LRRC20: variants seen among roughly 807,000 people sequenced by gnomAD.
The protein encoded by LRRC20 is leucine rich repeat containing 20.
A neutral mutation model predicts 14.4 loss-of-function variants in LRRC20; 11 were observed. The observed-to-expected ratio is 0.77, with a 90% CI of 0.48 to 1.27. The LOEUF (loss-of-function observed/expected upper bound fraction) is 1.27. Ranked by LOEUF, LRRC20 falls within the 50% of genes most tolerant of loss-of-function variation. The pLI is 0.00. For synonymous variants in LRRC20, 121 were observed against 107.3 expected, an observed-to-expected ratio of 1.13 and a Z score of -0.79; for missense variants, 219 against 251.2, an observed-to-expected ratio of 0.87 and a Z score of 0.87.
At chr10:70,369,605 CAAAAAAAAAAA>C (rs71009298) in intron 2 of LRRC20, among the ~76,000 whole-genome samples, 3 of 68,564 alleles carry the variant, frequency 4.4e-5, no homozygotes, top group Non-Finnish European at 7.6e-5. Context: ...GACGCTGTCT[CAAAAAAAAAAA>C]AAAAAAAAAA....
chr10:70,366,705 T>C (rs1844013249), intron 2 of LRRC20, among the ~76,000 whole-genome samples: 1 of 152,186 alleles, frequency 6.6e-6, no homozygotes, highest in Admixed American at 6.5e-5. Context: ...GAGTTGGCTC[T>C]CTATACCTGT....
intron 2 of LRRC20, among the ~76,000 whole-genome samples, chr10:70,367,416 C>T (rs1564644814): frequency 6.6e-6 from 1 of 151,642 alleles, no homozygotes; most frequent in Admixed American, 6.6e-5. Flanking sequence ...TGTTTACAGG[C>T]TTTGTTCGTG....
rs1293891046 is a variant in LRRC20, at chr10:70,304,470, T to TTATCTATATCTATATA, written c.401-2963_401-2962insTATATAGATATAGATA. Among the ~76,000 whole-genome samples the TTATCTATATCTATATA allele has an allele frequency of 7.0e-5, 8 of 113,824 alleles. 1 individual carries two copies. Among genetic ancestry groups the TTATCTATATCTATATA allele is most frequent in the African/African-American group, 2.4e-4 (8 of 33,442 alleles). The allele number at this position is 113,824 out of a possible 152,430, so 74.7% of individuals were successfully genotyped here. A position where few individuals can be genotyped will look rare whatever the true frequency, so the allele number is the denominator to read the frequency against. ...GCTATATAGATATCAGGCCACTTCT[T>TTATCTATATCTATATA]TATATATATATATATATATATATAT... On this transcript the variant is annotated intron_variant, in intron 4 of 4. Coordinates refer to ENST00000446961, the MANE Select transcript of LRRC20 (RefSeq NM_001278212.2).
At chr10:70,319,435 C>A (rs956411384) in intron 4 of LRRC20, among the ~76,000 whole-genome samples, 1 of 152,162 alleles carries the variant, frequency 6.6e-6, no homozygotes, top group Non-Finnish European at 1.5e-5. Flanking sequence ...ACTGCTCCAA[C>A]CCATCATGTC....
chr10:70,301,524 T>C lies in LRRC20; in HGVS notation c.401-16A>G, dbSNP rs769486585. 6 of 1,613,134 alleles carry C rather than the reference T, an allele frequency of 3.7e-6. No individual in the cohort carries two copies. The highest frequency in any genetic ancestry group is 2.7e-5 in the African/African-American group (2 of 74,900). ...ACGGGCACATCTATTGGGGACAGAATGGACAGGTTAGAGTGGTGGAGGCCA... is the reference window on the plus strand; with the variant it reads ...ACGGGCACATCTATTGGGGACAGAACGGACAGGTTAGAGTGGTGGAGGCCA... On this transcript the variant is annotated splice_polypyrimidine_tract_variant and intron_variant, in intron 4 of 4. Transcript: ENST00000446961.
intron 4 of LRRC20, among the ~76,000 whole-genome samples, chr10:70,315,636 A>G (rs1468603483): frequency 2.0e-5 from 3 of 152,150 alleles, no homozygotes; most frequent in East Asian, 1.9e-4. Flanking sequence ...CAGATCCCCA[A>G]TTTCAGCAAC....
chr10:70,301,287 TC>T lies in LRRC20; in HGVS notation c.*66del. 1 of 1,511,480 alleles carries T rather than the reference TC, an allele frequency of 6.6e-7. No individual in the cohort carries two copies. The highest frequency in any genetic ancestry group is 8.9e-7 in the Non-Finnish European group (1 of 1,127,032). 93.6% of individuals were successfully genotyped at this position (1,511,480 alleles called of 1,614,324 possible). On this transcript the variant is annotated 3_prime_UTR_variant, in exon 5 of 5. Transcript: ENST00000446961. ...CCCCAGGCTTGGCCTCCCATGGGCC[TC>T]CCTCCCTTCCAGGGTTCCAGGCCTG...
chr10:70,347,973 C>T (rs2137047687), intron 2 of LRRC20, among the ~76,000 whole-genome samples: 1 of 152,330 alleles, frequency 6.6e-6, no homozygotes, highest in East Asian at 1.9e-4. Context: ...TTCTTTCTTT[C>T]ACTCTCCACA....
At chr10:70,358,972 A>G (rs1329832480) in intron 2 of LRRC20, among the ~76,000 whole-genome samples, 2 of 152,200 alleles carry the variant, frequency 1.3e-5, no homozygotes, top group Admixed American at 6.5e-5. Context: ...CACTTTGTAA[A>G]ATGGGGGTAC....
intron 4 of LRRC20, among the ~76,000 whole-genome samples, chr10:70,323,051 G>C (rs1290028242): frequency 6.6e-6 from 1 of 152,074 alleles, no homozygotes; most frequent in Non-Finnish European, 1.5e-5. Context: ...TGACTGAAGG[G>C]GGTTATTATG....
At chr10:70,335,816 T>C (rs543066663) in intron 3 of LRRC20, among the ~76,000 whole-genome samples, 45 of 152,326 alleles carry the variant, frequency 3.0e-4, no homozygotes, top group Middle Eastern at 3.4e-3. Flanking sequence ...CAAAGATGCT[T>C]TAGAAACTCC....
Position 70,318,812 on chromosome 10 carries a change from G to GT in LRRC20, c.400+5050dup, listed in dbSNP as rs1841972121. ...AATCAATTATTTTTTGTTTGTTTTTGTTTTTTGTTTTTTGAGACAGGGTCT... is the reference window on the plus strand; with the variant it reads ...AATCAATTATTTTTTGTTTGTTTTTGTTTTTTTGTTTTTTGAGACAGGGTCT... On this transcript the variant is annotated intron_variant, in intron 4 of 4. Coordinates refer to ENST00000446961, the MANE Select transcript of LRRC20 (RefSeq NM_001278212.2). Among the ~76,000 whole-genome samples, 10 of 151,578 alleles carry GT rather than the reference G, an allele frequency of 6.6e-5. 1 individual carries two copies. The South Asian group carries it at 2.1e-3, about 32-fold the overall frequency.
intron 3 of LRRC20, among the ~76,000 whole-genome samples, chr10:70,326,513 G>C (rs1392099757): frequency 1.3e-5 from 2 of 152,208 alleles, no homozygotes; most frequent in Non-Finnish European, 2.9e-5. Context: ...AGACAGTGCA[G>C]GGGGCCTGGA....
intron 2 of LRRC20, among the ~76,000 whole-genome samples, chr10:70,358,232 G>A (rs1258848175): frequency 6.6e-6 from 1 of 152,168 alleles, no homozygotes; most frequent in East Asian, 1.9e-4. Flanking sequence ...CCAAATGTGG[G>A]ATGCACAAAA....
At chr10:70,374,647 T>A (rs918130684) in intron 2 of LRRC20, among the ~76,000 whole-genome samples, 1 of 152,072 alleles carries the variant, frequency 6.6e-6, no homozygotes, top group Non-Finnish European at 1.5e-5. Flanking sequence ...CCCAGCCCCC[T>A]GTGACATTTT....
chr10:70,326,187 T>C (rs535262076), intron 3 of LRRC20, among the ~76,000 whole-genome samples: 2 of 151,992 alleles, frequency 1.3e-5, no homozygotes, highest in Admixed American at 6.6e-5. Flanking sequence ...CAGTGCTCCA[T>C]GCCTGCTCTT....
In LRRC20 at chr10:70,324,023, G is replaced by A. The variant is rs746491105; in HGVS notation, c.240C>T (p.His80=). The change falls in exon 4 of 5, where the codon CAC becomes CAT. Residue 80 remains histidine, a synonymous_variant. Coordinates refer to ENST00000446961, the MANE Select transcript of LRRC20 (RefSeq NM_001278212.2). The part of the protein sequence containing the change: ...MTTFSQLREL[H]LEGNFLHRLP... ...GGCGGTGTAGGAAGTTCCCCTCCAG[G>A]TGGAGCTCTGCCACGTGCAGGGAAG... 6.2e-7 allele frequency: 1 copy of A among 1,613,912 alleles called. No individual in the cohort carries two copies. Among genetic ancestry groups the A allele is most frequent in the East Asian group, 2.2e-5 (1 of 44,886 alleles).
chr10:70,324,942 G>A (rs1040139095), intron 3 of LRRC20, among the ~76,000 whole-genome samples: 1 of 152,168 alleles, frequency 6.6e-6, no homozygotes, highest in African/African-American at 2.4e-5. Context: ...ACATCATAAT[G>A]CCTGTCTCTA....
chr10:70,305,377 T>G (rs1387162959), intron 4 of LRRC20, among the ~76,000 whole-genome samples: 1 of 152,174 alleles, frequency 6.6e-6, no homozygotes. Context: ...ATATGTGATG[T>G]ATACCCAGAT....
Sources: allele counts gnomAD v4.1 joint callset (sites outside exome capture counted in the v4.1 genomes callset), GRCh38; gene constraint gnomAD v4.1.1; transcripts MANE v1.5; gene names NCBI Gene and HGNC (gene_info 2026-07-23, HGNC 2026-07-21).